The following ATP8A2 variants were observed in gnomAD, a reference collection of about 807,000 sequenced individuals.
The protein encoded by ATP8A2 is phospholipid-transporting ATPase IB.
Under a neutral mutation model 165.6 loss-of-function variants are expected in ATP8A2, and 100 were observed. That is an observed-to-expected ratio of 0.60 (90% CI 0.51 to 0.71). The LOEUF (loss-of-function observed/expected upper bound fraction) is 0.71, where lower values mean the gene tolerates loss of function less well. ATP8A2 is among the 30% of genes least tolerant of loss of function. The pLI is 0.00. For missense variants in ATP8A2, 1,227 were observed against 1,479.5 expected, an observed-to-expected ratio of 0.83 and a Z score of 2.80; for synonymous variants, 543 against 548.8, an observed-to-expected ratio of 0.99 and a Z score of 0.15.
chr13:25,620,385 G>T (rs942052004), intron 24 of ATP8A2, among the ~76,000 whole-genome samples: 1 of 152,114 alleles, frequency 6.6e-6, no homozygotes, highest in Non-Finnish European at 1.5e-5. Flanking sequence ...GAAGAATGGG[G>T]TTAAAATCAA....
At chr13:25,762,268 CAAAAAAAAAA>C (rs59081934) in intron 25 of ATP8A2, among the ~76,000 whole-genome samples, 16 of 41,310 alleles carry the variant, frequency 3.9e-4, no homozygotes, top group South Asian at 1.8e-3. Context: ...GACTCTGTCT[CAAAAAAAAAA>C]AAAAAAAAAA....
At chr13:25,744,163 C>T (rs1349645523) in intron 25 of ATP8A2, among the ~76,000 whole-genome samples, 2 of 151,904 alleles carry the variant, frequency 1.3e-5, no homozygotes, top group African/African-American at 2.4e-5. Flanking sequence ...GGCAATTGCC[C>T]GATTCTTTTT....
intron 33 of ATP8A2, among the ~76,000 whole-genome samples, chr13:25,897,993 G>C (rs1040906086): frequency 1.3e-5 from 2 of 151,982 alleles, no homozygotes; most frequent in African/African-American, 4.8e-5. Context: ...TCCTCCTTTA[G>C]CTCGGAGAAG....
intron 1 of ATP8A2, among the ~76,000 whole-genome samples, chr13:25,392,484 C>T (rs919043560): frequency 2.6e-5 from 4 of 152,248 alleles, no homozygotes; most frequent in Non-Finnish European, 4.4e-5. Context: ...CTCTTTGCTC[C>T]CTCACACAGA....
intron 27 of ATP8A2, among the ~76,000 whole-genome samples, chr13:25,780,508 G>A (rs927505126): frequency 8.5e-5 from 13 of 152,058 alleles, no homozygotes; most frequent in African/African-American, 3.1e-4. Flanking sequence ...GCAATTTGGG[G>A]ACCAAATGAA....
intron 1 of ATP8A2, among the ~76,000 whole-genome samples, chr13:25,466,642 T>C (rs569020495): frequency 6.6e-6 from 1 of 152,198 alleles, no homozygotes; most frequent in African/African-American, 2.4e-5. Context: ...CATCACTTAG[T>C]GATCTTTAGA....
chr13:25,605,233 G>A (rs767682215), intron 24 of ATP8A2, among the ~76,000 whole-genome samples: 1 of 152,148 alleles, frequency 6.6e-6, no homozygotes, highest in Non-Finnish European at 1.5e-5. Context: ...GGTAACTTAT[G>A]TAGACCTGGA....
chr13:25,468,210 C>T (rs1020247761), intron 1 of ATP8A2, among the ~76,000 whole-genome samples: 1 of 152,186 alleles, frequency 6.6e-6, no homozygotes, highest in African/African-American at 2.4e-5. Flanking sequence ...ACCCATAGGA[C>T]TGAAATCAAA....
chr13:25,898,133 CT>C lies in ATP8A2; in HGVS notation c.3183+35726del, dbSNP rs562350831. On this transcript the variant is annotated intron_variant, in intron 33 of 36. Coordinates refer to ENST00000381655, the MANE Select transcript of ATP8A2 (RefSeq NM_016529.6). ...TTTTAGAGTTTCCAGTTTTTCTGCT[CT>C]GTTTTTTCCCCATCTTTTGGTTTTA... is the stretch of plus-strand genomic sequence containing the variant. 3.0e-4 allele frequency among the ~76,000 whole-genome samples: 46 copies of C among 152,218 alleles called. No individual in the cohort carries two copies. In the East Asian group the frequency reaches 8.5e-3, roughly 28 times the overall value.
chr13:25,795,824 A>G (rs757063018), intron 27 of ATP8A2, among the ~76,000 whole-genome samples: 1 of 152,172 alleles, frequency 6.6e-6, no homozygotes, highest in African/African-American at 2.4e-5. Flanking sequence ...ATTGAACTTC[A>G]TTACTTAATT....
At chr13:25,428,661 G>C (rs2034519496) in intron 1 of ATP8A2, among the ~76,000 whole-genome samples, 1 of 152,098 alleles carries the variant, frequency 6.6e-6, no homozygotes, top group Non-Finnish European at 1.5e-5. Context: ...GTGTTTGTTG[G>C]GGCAATGCTC....
At chr13:25,456,713 C>T (rs1013301371) in intron 1 of ATP8A2, among the ~76,000 whole-genome samples, 4 of 152,202 alleles carry the variant, frequency 2.6e-5, no homozygotes, top group Non-Finnish European at 4.4e-5. Context: ...GTTTCCTCTC[C>T]AGACTACAAG....
intron 25 of ATP8A2, among the ~76,000 whole-genome samples, chr13:25,720,167 C>CTTTTT (rs1007404557): frequency 5.1e-5 from 6 of 117,288 alleles, no homozygotes; most frequent in Admixed American, 8.8e-5. Context: ...TATACTTTTT[C>CTTTTT]TTTTTTTTTT....
At chr13:25,672,304 T>C (rs2042283000) in intron 24 of ATP8A2, among the ~76,000 whole-genome samples, 1 of 152,186 alleles carries the variant, frequency 6.6e-6, no homozygotes, top group South Asian at 2.1e-4. Context: ...CTTATCCTTG[T>C]AAGGCACCAT....
At chr13:25,606,902 G>A (rs2040531162) in intron 24 of ATP8A2, among the ~76,000 whole-genome samples, 1 of 152,128 alleles carries the variant, frequency 6.6e-6, no homozygotes, top group African/African-American at 2.4e-5. Context: ...AGGCAGCAGA[G>A]TGTAGATAAT....
At chr13:25,548,862 G>A (rs943215098) in intron 10 of ATP8A2, among the ~76,000 whole-genome samples, 5 of 152,222 alleles carry the variant, frequency 3.3e-5, no homozygotes, top group Non-Finnish European at 5.9e-5. Flanking sequence ...AAACTGTGGG[G>A]AGATAGTATT....
chr13:25,930,130 C>G (rs1954729196), intron 33 of ATP8A2, among the ~76,000 whole-genome samples: 2 of 152,138 alleles, frequency 1.3e-5, no homozygotes, highest in Non-Finnish European at 2.9e-5. Context: ...TGCCCCTTAG[C>G]CTGCCTGCAG....
intron 35 of ATP8A2, among the ~76,000 whole-genome samples, chr13:25,982,016 A>G (rs918989294): frequency 6.6e-6 from 1 of 152,088 alleles, no homozygotes; most frequent in African/African-American, 2.4e-5. Flanking sequence ...TCCCATATCT[A>G]TTTTTTTGGC....
At chr13:25,835,469 C>T (rs1302960677) in intron 28 of ATP8A2, among the ~76,000 whole-genome samples, 2 of 152,072 alleles carry the variant, frequency 1.3e-5, no homozygotes, top group Non-Finnish European at 2.9e-5. Flanking sequence ...GCCATATACT[C>T]CATCTCCAAA....
Sources: gnomAD v4.1 joint callset for allele counts (sites outside exome capture counted in the v4.1 genomes callset) on GRCh38, gnomAD v4.1.1 for gene constraint, MANE v1.5 for transcripts, NCBI Gene and HGNC (gene_info 2026-07-23, HGNC 2026-07-21) for gene names.